Variants in PRKD3 observed in about 807,000 individuals in gnomAD.
PRKD3 encodes protein kinase D3, also known as serine/threonine-protein kinase D3.
Under a neutral mutation model 99.2 loss-of-function variants are expected in PRKD3, and 47 were observed. That is an observed-to-expected ratio of 0.47 (90% CI 0.38 to 0.60). The LOEUF (loss-of-function observed/expected upper bound fraction) is 0.60, where lower values mean the gene tolerates loss of function less well. Among genes scored for constraint, PRKD3 ranks in the 20% least tolerant of loss-of-function variants. PRKD3 has a pLI of 0.00. For missense variants in PRKD3, 1,019 were observed against 1,088.4 expected (o/e 0.94, Z 0.90); for synonymous variants, 392 against 355.4 (o/e 1.10, Z -1.16).
chr2:37,310,442 C>T (rs1671376194), intron 2 of PRKD3, among the ~76,000 whole-genome samples: 1 of 152,134 alleles, frequency 6.6e-6, no homozygotes, highest in Non-Finnish European at 1.5e-5. Context: ...ATCAAGATTA[C>T]ACAACTAATA....
At chr2:37,300,490 A>C (rs1436585382) in intron 2 of PRKD3, among the ~76,000 whole-genome samples, 1 of 152,196 alleles carries the variant, frequency 6.6e-6, no homozygotes, top group Admixed American at 6.5e-5. Context: ...GTTAACAACA[A>C]TTTATTGTAT....
chr2:37,253,106 A>G lies in PRKD3; in HGVS notation c.*71T>C, dbSNP rs1056021. ...TGCAGCACTGCAGATGACAATCTAC[A>G]AAGAACAAGTTACACAGCAAAATAT... On this transcript the variant is annotated 3_prime_UTR_variant, in exon 19 of 19. Transcript: ENST00000234179. The G allele has an allele frequency of 0.3, 433,103 of 1,440,670 alleles. 67,375 individuals carry two copies. Among genetic ancestry groups the G allele is most frequent in the East Asian group, 0.46 (20,036 of 43,350 alleles). The allele number at this position is 1,440,670 out of a possible 1,614,324, so 89.2% of individuals were successfully genotyped here. A position where few individuals can be genotyped will look rare whatever the true frequency, so the allele number is the denominator to read the frequency against.
chr2:37,279,740 T>A lies in PRKD3; in HGVS notation c.1172+6A>T. 6.2e-7 allele frequency: 1 copy of A among 1,611,014 alleles called. No homozygotes were observed. The highest frequency in any genetic ancestry group is 2.2e-5 in the East Asian group (1 of 44,788). On this transcript the variant is annotated splice_donor_region_variant and intron_variant, in intron 8 of 18. Transcript: ENST00000234179. ...GGAAGTAGCTTGTAATATGTATATA[T>A]ATTACCTGATTGTTTTAACGGCTTC...
At position 37,256,654 on chromosome 2, in the gene PRKD3, T is replaced by TCACCAAAAA; in HGVS notation, c.2413+7_2413+8insTTTTTGGTG. On this transcript the variant is annotated splice_region_variant and intron_variant, in intron 17 of 18. Coordinates refer to ENST00000234179, the MANE Select transcript of PRKD3 (RefSeq NM_005813.6). Reference sequence around the variant, plus strand: ...TTTTTTTTTTTTTTTTTTTTTTTTTTTTTTTACCTTCACCAGAAATTTCTC... The same window carrying TCACCAAAAA: ...TTTTTTTTTTTTTTTTTTTTTTTTTTCACCAAAAATTTTTACCTTCACCAGAAATTTCTC... The TCACCAAAAA allele has an allele frequency of 7.3e-7, 1 of 1,377,262 alleles. No homozygotes were observed. Among genetic ancestry groups the TCACCAAAAA allele is most frequent in the Non-Finnish European group, 9.4e-7 (1 of 1,061,436 alleles). 85.3% of individuals were successfully genotyped at this position (1,377,262 alleles called of 1,614,324 possible).
At chr2:37,324,520 T>TGCC (rs1242275919) in intron 1 of PRKD3, 161 bp downstream of exon 1, 5 of 131,756 alleles carry the variant, frequency 3.8e-5, no homozygotes, top group African/African-American at 1.4e-4. Flanking sequence ...GTCCGAGTCC[T>TGCC]GTCGCCGCCG....
intron 13 of PRKD3, chr2:37,269,061 A>T (rs1669038875): frequency 6.5e-6 from 1 of 154,406 alleles, no homozygotes; most frequent in Non-Finnish European, 1.4e-5. Context: ...GTACCTTTAC[A>T]TATATTAAGT....
intron 7 of PRKD3, chr2:37,282,339 G>A (rs777768192): frequency 1.9e-6 from 1 of 533,504 alleles, no homozygotes; most frequent in Non-Finnish European, 3.4e-6. Context: ...AAAGTAACAG[G>A]TGGCCAGAGG....
chr2:37,312,409 TG>T (rs1335752091), intron 2 of PRKD3, among the ~76,000 whole-genome samples: 1 of 152,210 alleles, frequency 6.6e-6, no homozygotes, highest in African/African-American at 2.4e-5. Context: ...ATTTCAAATG[TG>T]GTCATGGCAC....
chr2:37,300,159 T>TA (rs1558568926), intron 2 of PRKD3, among the ~76,000 whole-genome samples: 1 of 152,134 alleles, frequency 6.6e-6, no homozygotes, highest in Non-Finnish European at 1.5e-5. Flanking sequence ...GAAAATGTGA[T>TA]ACACATACAT....
At position 37,261,722 on chromosome 2, in the gene PRKD3, G is replaced by T. The variant is rs564110534; in HGVS notation, c.1885-1338C>A. On this transcript the variant is annotated intron_variant, in intron 14 of 18. Coordinates refer to ENST00000234179, the MANE Select transcript of PRKD3 (RefSeq NM_005813.6). ...TTGAACCTGGGAGGCAGAGGTTGCG[G>T]TGAGCTGAGATTGCGCCATTGCACT... 2.8e-3 allele frequency among the ~76,000 whole-genome samples: 429 copies of T among 152,336 alleles called. 2 individuals are homozygous for T. Among genetic ancestry groups the T allele is most frequent in the African/African-American group, 9.9e-3 (411 of 41,572 alleles).
At chr2:37,289,798 A>C (rs769996891) in intron 4 of PRKD3, among the ~76,000 whole-genome samples, 6 of 152,180 alleles carry the variant, frequency 3.9e-5, no homozygotes, top group Admixed American at 1.3e-4. Context: ...TCCACCCCAG[A>C]TCTACTGAAT....
At chr2:37,324,122 G>A (rs1419020322) in intron 1 of PRKD3, 1 of 957,058 alleles carries the variant, frequency 1.0e-6, no homozygotes, top group Non-Finnish European at 1.2e-6. Flanking sequence ...TCGGAACAAT[G>A]CTGCAACTAG....
chr2:37,291,375 G>A (rs1373957447), intron 3 of PRKD3, among the ~76,000 whole-genome samples: 1 of 152,192 alleles, frequency 6.6e-6, no homozygotes, highest in Non-Finnish European at 1.5e-5. Context: ...TTATGGAAAC[G>A]TTTCTGTGGA....
At chr2:37,306,269 C>A in intron 2 of PRKD3, among the ~76,000 whole-genome samples, 1 of 152,156 alleles carries the variant, frequency 6.6e-6, no homozygotes, top group East Asian at 1.9e-4. Flanking sequence ...TGGCTCAATT[C>A]CAGTTCTACC....
At chr2:37,324,228 G>A (rs1672013489) in intron 1 of PRKD3, 2 of 985,486 alleles carry the variant, frequency 2.0e-6, no homozygotes, top group South Asian at 9.4e-5. Flanking sequence ...GCAAAGTGAG[G>A]AAATGAAACG....
intron 2 of PRKD3, among the ~76,000 whole-genome samples, chr2:37,298,678 T>C (rs1670779323): frequency 6.6e-6 from 1 of 152,176 alleles, no homozygotes; most frequent in Admixed American, 6.5e-5. Flanking sequence ...TTTATTTTAT[T>C]TATAGCTATT....
chr2:37,268,690 C>T, intron 13 of PRKD3: 1 of 184,584 alleles, frequency 5.4e-6, no homozygotes, highest in Non-Finnish European at 1.1e-5. Context: ...AAAATGTGCA[C>T]TAGAAGAGAC....
intron 1 of PRKD3, among the ~76,000 whole-genome samples, chr2:37,323,861 T>A (rs977448328): frequency 6.6e-6 from 1 of 152,138 alleles, no homozygotes; most frequent in Non-Finnish European, 1.5e-5. Context: ...TGGGGATGGG[T>A]GTGATTGAAG....
chr2:37,322,509 T>C (rs1671929708), intron 1 of PRKD3, among the ~76,000 whole-genome samples: 1 of 152,184 alleles, frequency 6.6e-6, no homozygotes, highest in African/African-American at 2.4e-5. Context: ...ACTGAAAAGT[T>C]TATCCAGTAA....
Sources: allele counts gnomAD v4.1 joint callset (sites outside exome capture counted in the v4.1 genomes callset), GRCh38; gene constraint gnomAD v4.1.1; transcripts MANE v1.5; gene names NCBI Gene and HGNC (gene_info 2026-07-23, HGNC 2026-07-21).